FSTL4: variants seen among roughly 807,000 people sequenced by gnomAD.
FSTL4 encodes the protein follistatin like 4, also known as follistatin-related protein 4.
Under a neutral mutation model 78.2 loss-of-function variants are expected in FSTL4, and 28 were observed. The observed-to-expected ratio is 0.36, with a 90% CI of 0.27 to 0.49. The LOEUF (loss-of-function observed/expected upper bound fraction) is 0.49. Among genes scored for constraint, FSTL4 ranks in the 20% least tolerant of loss-of-function variants. The pLI is 0.98. For synonymous variants in FSTL4, 422 were observed against 440.5 expected (o/e 0.96, Z 0.53); for missense variants, 922 against 1,084.9 (o/e 0.85, Z 2.11).
chr5:133,475,508 A>G (rs1029805256), intron 3 of FSTL4, among the ~76,000 whole-genome samples: 3 of 152,182 alleles, frequency 2.0e-5, no homozygotes, highest in Non-Finnish European at 4.4e-5. Context: ...GGGATATATG[A>G]CCAGAATACA....
the FSTL4 span, among the ~76,000 whole-genome samples, chr5:133,806,452 G>C: frequency 6.6e-6 from 1 of 152,194 alleles, no homozygotes; most frequent in East Asian, 1.9e-4. Flanking sequence ...AGCATGAGCA[G>C]AGATGCATGT....
At chr5:133,759,950 T>C in the FSTL4 span, among the ~76,000 whole-genome samples, 7 of 152,214 alleles carry the variant, frequency 4.6e-5, no homozygotes, top group Non-Finnish European at 1.0e-4. Context: ...TGCCAAGATG[T>C]GTTTTATGTC....
intron 4 of FSTL4, among the ~76,000 whole-genome samples, chr5:133,395,488 AC>A (rs1756002541): frequency 6.6e-6 from 1 of 152,106 alleles, no homozygotes; most frequent in African/African-American, 2.4e-5. Context: ...AACTTGTAAC[AC>A]TCACCGCGCG....
In FSTL4 at chr5:133,210,302, G is replaced by C; in HGVS notation, c.1609-4C>G. The C allele has an allele frequency of 6.6e-7, 1 of 1,525,804 alleles. No homozygotes were observed. The highest frequency in any genetic ancestry group is 1.1e-5 in the South Asian group (1 of 88,874). The allele number at this position is 1,525,804 out of a possible 1,614,324, so 94.5% of individuals were successfully genotyped here. A position where few individuals can be genotyped will look rare whatever the true frequency, so the allele number is the denominator to read the frequency against. On this transcript the variant is annotated splice_polypyrimidine_tract_variant and splice_region_variant and intron_variant, in intron 13 of 15. Coordinates refer to ENST00000265342, the MANE Select transcript of FSTL4 (RefSeq NM_015082.2). ...GCAGAGGGTCCACACCTATGGACTT[G>C]AAAAAAAATAGTGACATGTTGTGAA...
chr5:133,629,420 C>T, the FSTL4 span, among the ~76,000 whole-genome samples: 2 of 152,182 alleles, frequency 1.3e-5, no homozygotes, highest in African/African-American at 2.4e-5. Context: ...TTTCTGGACA[C>T]ATACACCCTT....
At chr5:133,364,742 CTTT>C (rs1295723787) in intron 4 of FSTL4, among the ~76,000 whole-genome samples, 1 of 152,168 alleles carries the variant, frequency 6.6e-6, no homozygotes, top group Non-Finnish European at 1.5e-5. Flanking sequence ...TGCTGAAAAG[CTTT>C]TTATCAACCG....
chr5:133,604,803 G>T (rs1177476944), intron 1 of FSTL4, among the ~76,000 whole-genome samples: 4 of 152,172 alleles, frequency 2.6e-5, no homozygotes, highest in Non-Finnish European at 5.9e-5. Context: ...CTTCAAAATG[G>T]CATCATAAGG....
intron 6 of FSTL4, among the ~76,000 whole-genome samples, chr5:133,263,558 G>T (rs971410255): frequency 1.3e-5 from 2 of 152,194 alleles, no homozygotes; most frequent in Admixed American, 1.3e-4. Context: ...CAACACAGAG[G>T]TCATTTGGGA....
chr5:133,265,712 G>C (rs1322286413), intron 6 of FSTL4, among the ~76,000 whole-genome samples: 1 of 152,178 alleles, frequency 6.6e-6, no homozygotes, highest in African/African-American at 2.4e-5. Context: ...GGACCCACAG[G>C]CTGGCAGGAG....
upstream of FSTL4, among the ~76,000 whole-genome samples, chr5:133,615,675 A>G (rs1249543205): frequency 1.3e-5 from 2 of 152,248 alleles, no homozygotes; most frequent in South Asian, 2.1e-4. Context: ...TTTTAAGATG[A>G]TAATTCATTA....
At chr5:133,602,473 C>A (rs557341070) in intron 2 of FSTL4, among the ~76,000 whole-genome samples, 1 of 152,284 alleles carries the variant, frequency 6.6e-6, no homozygotes, top group Admixed American at 6.5e-5. Flanking sequence ...AAACAGTGGG[C>A]CGATGAGCCC....
intron 6 of FSTL4, among the ~76,000 whole-genome samples, chr5:133,263,457 G>T (rs901504122): frequency 1.3e-5 from 2 of 152,140 alleles, no homozygotes; most frequent in African/African-American, 4.8e-5. Context: ...TAGGGCTGAG[G>T]AAGAAGGGCC....
the FSTL4 span, among the ~76,000 whole-genome samples, chr5:133,634,716 T>C: frequency 6.6e-6 from 1 of 152,194 alleles, no homozygotes; most frequent in Non-Finnish European, 1.5e-5. Context: ...ATGAGGTACT[T>C]ACACAGATGA....
the FSTL4 span, among the ~76,000 whole-genome samples, chr5:133,664,320 T>TAAA: frequency 9.9e-5 from 15 of 151,376 alleles, no homozygotes; most frequent in Admixed American, 2.6e-4. Context: ...CTTTTTTTTT[T>TAAA]AAAAAAAATT....
At chr5:133,762,823 C>T in the FSTL4 span, among the ~76,000 whole-genome samples, 2 of 152,196 alleles carry the variant, frequency 1.3e-5, no homozygotes, top group Admixed American at 1.3e-4. Flanking sequence ...CTCTCTCTCT[C>T]TATCCCTCCA....
the FSTL4 span, among the ~76,000 whole-genome samples, chr5:133,774,866 C>T: frequency 1.3e-5 from 2 of 152,138 alleles, no homozygotes; most frequent in East Asian, 3.8e-4. Flanking sequence ...TTTAGCAAGA[C>T]ATGCATGCCA....
chr5:133,216,359 C>T lies in FSTL4; in HGVS notation c.1608+870G>A, dbSNP rs148566961. On this transcript the variant is annotated intron_variant, in intron 13 of 15. Transcript: ENST00000265342. Reference sequence around the variant, plus strand: ...AGGCTGGAGTGCAGTGGTGTGATCTCGGCTCACTGCAACCTCCACCTCCCG... The same window carrying T: ...AGGCTGGAGTGCAGTGGTGTGATCTTGGCTCACTGCAACCTCCACCTCCCG... Among the ~76,000 whole-genome samples, 723 of 150,126 alleles carry T rather than the reference C, an allele frequency of 4.8e-3. 15 individuals are homozygous for T. The highest frequency in any genetic ancestry group is 0.036 in the Admixed American group (551 of 15,190).
the FSTL4 span, among the ~76,000 whole-genome samples, chr5:133,723,857 C>T: frequency 6.6e-6 from 1 of 152,192 alleles, no homozygotes; most frequent in South Asian, 2.1e-4. Flanking sequence ...TCAGCTCATC[C>T]CTAAAAGTGC....
chr5:133,685,754 AGGAG>A, the FSTL4 span, among the ~76,000 whole-genome samples: 2 of 152,226 alleles, frequency 1.3e-5, no homozygotes, highest in Admixed American at 6.5e-5. Context: ...CAGTGCTGGC[AGGAG>A]GCAGGCAGGC....
Sources: allele counts gnomAD v4.1 joint callset (sites outside exome capture counted in the v4.1 genomes callset), GRCh38; gene constraint gnomAD v4.1.1; transcripts MANE v1.5; gene names NCBI Gene and HGNC (gene_info 2026-07-23, HGNC 2026-07-21).